Variants in NTNG2 observed in about 807,000 individuals in gnomAD.
The protein encoded by NTNG2 is netrin-G2.
NTNG2 carries 15 observed loss-of-function variants against 47.6 expected under a neutral mutation model. The ratio of observed to expected loss-of-function variants is 0.32; its 90% CI spans 0.21 to 0.49. The LOEUF is 0.49. Among genes scored for constraint, NTNG2 ranks in the 20% least tolerant of loss-of-function variants. The pLI is 0.99. For missense variants in NTNG2, 578 were observed against 764.6 expected (o/e 0.76, Z 2.88); for synonymous variants, 307 against 324.6 (o/e 0.95, Z 0.58).
chr9:132,222,109 T>C (rs1222511255), intron 3 of NTNG2, among the ~76,000 whole-genome samples: 1 of 152,208 alleles, frequency 6.6e-6, no homozygotes, highest in African/African-American at 2.4e-5. Context: ...TTAGACAAAG[T>C]CAGACAGGTT....
intron 2 of NTNG2, among the ~76,000 whole-genome samples, chr9:132,195,340 G>T (rs796949163): frequency 6.6e-6 from 1 of 151,854 alleles, no homozygotes; most frequent in Admixed American, 6.6e-5. Flanking sequence ...ACAAAGTCTC[G>T]CTCTGTCGCC....
intron 2 of NTNG2, among the ~76,000 whole-genome samples, chr9:132,177,718 T>C (rs989064020): frequency 2.0e-5 from 3 of 152,150 alleles, no homozygotes; most frequent in African/African-American, 7.2e-5. Context: ...AGTGCAGTGG[T>C]GCGATCTCAG....
At chr9:132,205,527 A>G (rs890215436) in intron 3 of NTNG2, among the ~76,000 whole-genome samples, 33 of 152,186 alleles carry the variant, frequency 2.2e-4, no homozygotes, top group Non-Finnish European at 2.2e-4. Flanking sequence ...CTGGAGAGGG[A>G]TGGTAACGGT....
intron 3 of NTNG2, among the ~76,000 whole-genome samples, chr9:132,206,443 C>T (rs1422700427): frequency 6.6e-6 from 1 of 152,236 alleles, no homozygotes; most frequent in African/African-American, 2.4e-5. Flanking sequence ...GAGGCAGGTC[C>T]ATCACCTGAG....
At chr9:132,223,692 A>G (rs908010935) in intron 3 of NTNG2, among the ~76,000 whole-genome samples, 1 of 152,016 alleles carries the variant, frequency 6.6e-6, no homozygotes. Flanking sequence ...GATGCCGCAC[A>G]CCCCAGGCGG....
rs1837044359 is a variant in NTNG2, at chr9:132,182,772, G to T, written c.214-15194G>T. On this transcript the variant is annotated intron_variant, in intron 2 of 7. Transcript: ENST00000393229. The surrounding 1 kb of genome is among the most constrained non-coding windows in gnomAD (Gnocchi z 4.2). ...TCGAAGGCCTCAAGCCCAGCGGGCA[G>T]CTATGACCCCACCAGGAGCGGAGCG... Among the ~76,000 whole-genome samples the T allele has an allele frequency of 6.6e-6, 1 of 152,200 alleles. No individual in the cohort carries two copies. The highest frequency in any genetic ancestry group is 1.5e-5 in the Non-Finnish European group (1 of 68,022).
At position 132,172,790 on chromosome 9, in the gene NTNG2, C is replaced by T. The variant is rs889440043; in HGVS notation, c.213+5746C>T. Among the ~76,000 whole-genome samples, 8 of 136,424 alleles carry T rather than the reference C, an allele frequency of 5.9e-5. No individual in the cohort carries two copies. The Admixed American group carries it at 6.0e-4, about 10-fold the overall frequency. The allele number at this position is 136,424 out of a possible 152,430, so 89.5% of individuals were successfully genotyped here. ...TGTCGCCCAGGCTGGAGTGCAGCGG[C>T]GCAATCTCGGCTCGCTGCAAGCTCT... is the stretch of plus-strand genomic sequence containing the variant. On this transcript the variant is annotated intron_variant, in intron 2 of 7. Transcript: ENST00000393229.
At chr9:132,181,933 C>T (rs532796362) in intron 2 of NTNG2, among the ~76,000 whole-genome samples, 7 of 152,310 alleles carry the variant, frequency 4.6e-5, no homozygotes, top group African/African-American at 7.2e-5. Context: ...TCTCAGAAAG[C>T]GCCTGATAGA....
chr9:132,219,894 T>C lies in NTNG2; in HGVS notation c.858-6955T>C, dbSNP rs111767695. On this transcript the variant is annotated intron_variant, in intron 3 of 7. Coordinates refer to ENST00000393229, the MANE Select transcript of NTNG2 (RefSeq NM_032536.4). The stretch of plus-strand genomic sequence containing the variant: ...GGTAGAATTACTGGGCAACTCTAAG[T>C]TCACCTTTTGTAGAACTTCCAGACC... Among the ~76,000 whole-genome samples, 1,340 of 152,346 alleles carry C rather than the reference T, an allele frequency of 8.8e-3. 17 individuals carry two copies. Among genetic ancestry groups the C allele is most frequent in the African/African-American group, 0.031 (1,272 of 41,574 alleles).
At chr9:132,241,167 A>T in intron 7 of NTNG2, 123 bp downstream of exon 7, 13 of 671,768 alleles carry the variant, frequency 1.9e-5, no homozygotes, top group Admixed American at 1.2e-4. Flanking sequence ...AAGACGGGGC[A>T]GGGCCGGGGA....
intron 3 of NTNG2, among the ~76,000 whole-genome samples, chr9:132,207,744 G>T (rs73561596): frequency 0.062 from 9,382 of 152,210 alleles, 896 homozygotes; most frequent in African/African-American, 0.21. Context: ...TGACGCTCCC[G>T]TAGTGGGAGA....
intron 2 of NTNG2, among the ~76,000 whole-genome samples, chr9:132,187,569 AAG>A (rs66498690): frequency 0.021 from 2,961 of 138,570 alleles, 74 homozygotes; most frequent in African/African-American, 0.062. Flanking sequence ...GAGAGGGAGC[AAG>A]AGAGAGAGAG....
At position 132,240,989 on chromosome 9, in the gene NTNG2, G is replaced by A; in HGVS notation, c.1302G>A (p.Ala434=). The A allele has an allele frequency of 6.2e-7, 1 of 1,610,816 alleles. No individual in the cohort carries two copies. Among genetic ancestry groups the A allele is most frequent in the Non-Finnish European group, 8.5e-7 (1 of 1,179,566 alleles). Residue 434 remains alanine, a synonymous_variant, in exon 7 of 8, where the codon GCG becomes GCA. Transcript: ENST00000393229. ...TGFCECREGA[A]GPKCDDCLPT... is the part of the protein sequence containing the mutation. ...TCTGCGAGTGCCGCGAGGGCGCGGC[G>A]GGCCCCAAGTGCGACGACTGCCTCC...
chr9:132,177,290 T>A (rs998381821), intron 2 of NTNG2, among the ~76,000 whole-genome samples: 1 of 152,166 alleles, frequency 6.6e-6, no homozygotes, highest in Non-Finnish European at 1.5e-5. Flanking sequence ...CCCAGCCTAT[T>A]TTAAATTTAA....
chr9:132,234,101 C>T lies in NTNG2; in HGVS notation c.1054+3506C>T, dbSNP rs1841448400. On this transcript the variant is annotated intron_variant, in intron 5 of 7. Transcript: ENST00000393229. ...GGAGTGCAATGGAGCAATCTCAGCT[C>T]ACTGCAACCTCCGCCCCCCCAGGTT... Among the ~76,000 whole-genome samples the T allele has an allele frequency of 4.0e-5, 6 of 151,016 alleles. No homozygotes were observed. In the South Asian group the frequency reaches 1.2e-3, roughly 31 times the overall value.
At chr9:132,172,140 C>T (rs550524680) in intron 2 of NTNG2, among the ~76,000 whole-genome samples, 1 of 152,350 alleles carries the variant, frequency 6.6e-6, no homozygotes, top group Non-Finnish European at 1.5e-5. Flanking sequence ...CGTGCTGTCT[C>T]CTCCACCCGA....
intron 5 of NTNG2, among the ~76,000 whole-genome samples, chr9:132,235,782 A>G (rs1841580930): frequency 6.6e-6 from 1 of 152,168 alleles, no homozygotes; most frequent in East Asian, 1.9e-4. Context: ...TTAGACTCGT[A>G]GGCCCCTCCC....
intron 2 of NTNG2, among the ~76,000 whole-genome samples, chr9:132,171,908 GC>G (rs1221403234): frequency 6.6e-6 from 1 of 152,214 alleles, no homozygotes; most frequent in Non-Finnish European, 1.5e-5. Context: ...CCTCCAGTCG[GC>G]AGATGTTTCC....
In NTNG2 at chr9:132,242,255, C is replaced by A. The variant is rs1842037895; in HGVS notation, c.*144C>A. The A allele has an allele frequency of 8.6e-6, 2 of 233,912 alleles. No individual in the cohort carries two copies. The highest frequency in any genetic ancestry group is 1.4e-4 in the East Asian group (1 of 7,094). 14.5% of individuals were successfully genotyped at this position (233,912 alleles called of 1,614,324 possible). A position where few individuals can be genotyped will look rare whatever the true frequency, so the allele number is the denominator to read the frequency against. ...ACTCAGCAGGGCCCCCCGCCCGGCCCGCGCTCCCGCCCGCACTGCCCTCCC... is the reference window on the plus strand; with the variant it reads ...ACTCAGCAGGGCCCCCCGCCCGGCCAGCGCTCCCGCCCGCACTGCCCTCCC... On this transcript the variant is annotated 3_prime_UTR_variant, in exon 8 of 8. Transcript: ENST00000393229. The surrounding 1 kb of genome is among the most constrained non-coding windows in gnomAD (Gnocchi z 5.9).
Sources: allele counts gnomAD v4.1 joint callset (sites outside exome capture counted in the v4.1 genomes callset), GRCh38; gene constraint gnomAD v4.1.1; non-coding constraint Gnocchi (gnomAD v3.1); transcripts MANE v1.5; gene names NCBI Gene and HGNC (gene_info 2026-07-23, HGNC 2026-07-21).